KATNAL1: variants seen among roughly 807,000 people sequenced by gnomAD.
KATNAL1 encodes the protein katanin p60 ATPase-containing subunit A-like 1.
In KATNAL1, 32 loss-of-function variants were observed where a neutral mutation model predicts 55.2. That is an observed-to-expected ratio of 0.58 (90% CI 0.44 to 0.78). KATNAL1 has a LOEUF of 0.78. Ranked by LOEUF, KATNAL1 falls within the 30% of genes least tolerant of loss-of-function variation. The probability of loss-of-function intolerance (pLI) is 0.00; values close to 1 mark genes in which losing one functional copy is unlikely to be tolerated. For synonymous variants in KATNAL1, 193 were observed against 193.6 expected, an observed-to-expected ratio of 1.00 and a Z score of 0.02; for missense variants, 466 against 600.9, an observed-to-expected ratio of 0.78 and a Z score of 2.35.
chr13:30,230,627 T>C (rs768842846), intron 7 of KATNAL1, 33 bp from the exon 8 acceptor site: 1 of 1,506,826 alleles, frequency 6.6e-7, no homozygotes. Flanking sequence ...AATCATTCAA[T>C]AATCTCATAA....
chr13:30,236,615 C>T (rs1393047511), intron 6 of KATNAL1, among the ~76,000 whole-genome samples: 1 of 152,268 alleles, frequency 6.6e-6, no homozygotes, highest in East Asian at 1.9e-4. Context: ...TATGTCCATC[C>T]CCAACCTGTC....
In KATNAL1 at chr13:30,243,872, T is replaced by G. The variant is rs190853288; in HGVS notation, c.493-2786A>C. 6.3e-3 allele frequency among the ~76,000 whole-genome samples: 959 copies of G among 152,312 alleles called. 12 individuals carry two copies. Among genetic ancestry groups the G allele is most frequent in the Middle Eastern group, 0.041 (12 of 294 alleles). On this transcript the variant is annotated intron_variant, in intron 4 of 10. Coordinates refer to ENST00000380615, the MANE Select transcript of KATNAL1 (RefSeq NM_032116.5). ...CTCTCACTTGCCTAATTTATTCATC[T>G]GTTGCCTGATTTCAATGGCCCAAGG...
rs1472551998 is a variant in KATNAL1, at chr13:30,210,390, A to G, written c.1200T>C (p.Asp400=). 1 of 1,607,470 alleles carries G rather than the reference A, an allele frequency of 6.2e-7. No individual in the cohort carries two copies. Residue 400 remains aspartate (D), a synonymous_variant, in exon 10 of 11, where the codon GAT becomes GAC. Transcript: ENST00000380615. ...LKINLREVEL[D]PDIQLEDIAE... Reference sequence around the variant, plus strand: ...CTATATCTTCCAGTTGAATATCAGGATCTAATTCGACCTCACGAAGGTTGA... The same window carrying G: ...CTATATCTTCCAGTTGAATATCAGGGTCTAATTCGACCTCACGAAGGTTGA...
intron 3 of KATNAL1, among the ~76,000 whole-genome samples, chr13:30,265,944 G>A (rs1308104089): frequency 6.7e-6 from 1 of 148,914 alleles, no homozygotes; most frequent in Non-Finnish European, 1.5e-5. Flanking sequence ...CCCAGGAGGT[G>A]GAGGTTGCCA....
chr13:30,271,878 G>GAAAAAAAAAAAAAAAAAAAAAGA (rs1880393901), intron 3 of KATNAL1, among the ~76,000 whole-genome samples: 1 of 76,790 alleles, frequency 1.3e-5, no homozygotes. Context: ...AAGAAAAGAG[G>GAAAAAAAAAAAAAAAAAAAAAGA]AAAAAAAAAA....
intron 3 of KATNAL1, among the ~76,000 whole-genome samples, chr13:30,262,541 C>T (rs1304789262): frequency 6.6e-6 from 1 of 152,142 alleles, no homozygotes; most frequent in African/African-American, 2.4e-5. Context: ...GGGGATATCA[C>T]CACCGATCCC....
intron 1 of KATNAL1, among the ~76,000 whole-genome samples, 183 bp from the exon 2 acceptor site, chr13:30,283,974 C>A (rs137861375): frequency 6.6e-5 from 10 of 151,288 alleles, no homozygotes; most frequent in Non-Finnish European, 1.5e-4. Context: ...CTCCCAGGTT[C>A]AAGTGATTCC....
In KATNAL1 at chr13:30,206,917, T is replaced by C. The variant is rs897741921; in HGVS notation, c.*1623A>G. The C allele has an allele frequency of 6.6e-6, 1 of 152,208 alleles. No individual in the cohort carries two copies. Among genetic ancestry groups the C allele is most frequent in the Non-Finnish European group, 1.5e-5 (1 of 68,032 alleles). 9.4% of individuals were successfully genotyped at this position (152,208 alleles called of 1,614,324 possible). On this transcript the variant is annotated 3_prime_UTR_variant, in exon 11 of 11. Coordinates refer to ENST00000380615, the MANE Select transcript of KATNAL1 (RefSeq NM_032116.5). ...TGTCTTATGATCTGGCATCTTATAA[T>C]CTGTGTCTCAGAAAGAAGGGCAATT...
intron 8 of KATNAL1, among the ~76,000 whole-genome samples, chr13:30,227,826 G>C (rs979713391): frequency 6.7e-6 from 1 of 148,598 alleles, no homozygotes; most frequent in African/African-American, 2.5e-5. Flanking sequence ...CCATTTTTCT[G>C]TAAGAAAATG....
intron 9 of KATNAL1, 74 bp downstream of exon 9, chr13:30,227,338 T>C (rs1875598308): frequency 1.4e-6 from 2 of 1,419,108 alleles, no homozygotes; most frequent in Admixed American, 4.0e-5. Context: ...AGAATGGCAA[T>C]GGAATAAAGA....
intron 1 of KATNAL1, among the ~76,000 whole-genome samples, chr13:30,304,573 A>G (rs962186063): frequency 1.3e-5 from 2 of 152,056 alleles, no homozygotes; most frequent in African/African-American, 4.8e-5. Context: ...CGGCCTACAC[A>G]CATTTCTTAA....
chr13:30,274,909 A>ACG (rs1287247206), intron 3 of KATNAL1, among the ~76,000 whole-genome samples: 690 of 60,288 alleles, frequency 0.011, 4 homozygotes, highest in African/African-American at 0.034. Flanking sequence ...GCGCGCGCGC[A>ACG]CACACACACA....
At chr13:30,243,559 G>A (rs1327602011) in intron 4 of KATNAL1, among the ~76,000 whole-genome samples, 1 of 123,324 alleles carries the variant, frequency 8.1e-6, no homozygotes, top group African/African-American at 3.3e-5. Context: ...AGCTGAAGAA[G>A]TAAATTCTAA....
intron 9 of KATNAL1, among the ~76,000 whole-genome samples, chr13:30,213,541 C>T (rs1045523988): frequency 5.3e-5 from 8 of 152,212 alleles, no homozygotes; most frequent in Middle Eastern, 3.4e-3. Flanking sequence ...ACTGGCAAAC[C>T]GAATCCAGCA....
chr13:30,247,977 A>C (rs1218804846), intron 4 of KATNAL1, among the ~76,000 whole-genome samples: 3 of 152,224 alleles, frequency 2.0e-5, no homozygotes, highest in Non-Finnish European at 4.4e-5. Context: ...TAATCTTACC[A>C]TATAAGAAAT....
In KATNAL1 at chr13:30,230,467, C is replaced by T; in HGVS notation, c.1012+1G>A. The T allele has an allele frequency of 3.1e-6, 5 of 1,605,652 alleles. No individual in the cohort carries two copies. Among genetic ancestry groups the T allele is most frequent in the Non-Finnish European group, 4.2e-6 (5 of 1,177,428 alleles). On this transcript the variant is annotated splice_donor_variant, in intron 8 of 10. Transcript: ENST00000380615. LOFTEE classifies it high-confidence loss of function. ...TGAAACAATAATTAAATATCAATTA[C>T]CATCCATCTGAATGAGCAGTTCAGA...
At chr13:30,253,578 T>C (rs1334510816) in intron 4 of KATNAL1, among the ~76,000 whole-genome samples, 3 of 145,976 alleles carry the variant, frequency 2.1e-5, no homozygotes, top group East Asian at 2.0e-4. Context: ...GGCAGGAGAA[T>C]GACGTGAACC....
intron 4 of KATNAL1, among the ~76,000 whole-genome samples, chr13:30,252,260 G>A (rs747402874): frequency 2.6e-5 from 4 of 152,122 alleles, no homozygotes; most frequent in South Asian, 2.1e-4. Flanking sequence ...GCTTCAAAGC[G>A]GGCTTTTTTT....
rs146968685 is a variant in KATNAL1, at chr13:30,213,554, A to G, written c.1148-3112T>C. On this transcript the variant is annotated intron_variant, in intron 9 of 10. Coordinates refer to ENST00000380615, the MANE Select transcript of KATNAL1 (RefSeq NM_032116.5). Reference sequence around the variant, plus strand: ...ATACTGGCAAACCGAATCCAGCAGCACATCTAAAAGCTTATCCACCATGAT... The same window carrying G: ...ATACTGGCAAACCGAATCCAGCAGCGCATCTAAAAGCTTATCCACCATGAT... Among the ~76,000 whole-genome samples the G allele has an allele frequency of 3.9e-5, 6 of 152,370 alleles. No individual in the cohort carries two copies. In the East Asian group the frequency reaches 1.2e-3, roughly 29 times the overall value.
Sources: allele counts gnomAD v4.1 joint callset (sites outside exome capture counted in the v4.1 genomes callset), GRCh38; gene constraint gnomAD v4.1.1; transcripts MANE v1.5; gene names NCBI Gene and HGNC (gene_info 2026-07-23, HGNC 2026-07-21).